Variants in P2RY8 observed in about 807,000 individuals in gnomAD.
P2RY8 encodes P2Y receptor family member 8.
A neutral mutation model predicts 10.0 loss-of-function variants in P2RY8; 6 were observed. The observed-to-expected ratio is 0.60, with a 90% confidence interval of 0.33 to 1.19. The LOEUF is 1.19. Ranked by LOEUF, P2RY8 falls within the 50% of genes most tolerant of loss-of-function variation. P2RY8 has a pLI of 0.04. For synonymous variants in P2RY8, 276 were observed against 252.5 expected, an observed-to-expected ratio of 1.09 and a Z score of -0.88; for missense variants, 456 against 542.0, an observed-to-expected ratio of 0.84 and a Z score of 1.58.
chrX:1,525,928 C>G (rs1285025141), intron 1 of P2RY8, among the ~76,000 whole-genome samples: 1 of 151,830 alleles, frequency 6.6e-6, no homozygotes, highest in Non-Finnish European at 1.5e-5. Context: ...ATCCATCCAT[C>G]CATTCAGTCA....
intron 1 of P2RY8, among the ~76,000 whole-genome samples, chrX:1,534,724 C>T (rs1222396265): frequency 2.6e-5 from 4 of 152,104 alleles, no homozygotes; most frequent in Non-Finnish European, 4.4e-5. Flanking sequence ...GCCATCTGCC[C>T]GGGGAAAGGG....
At chrX:1,535,495 T>C (rs1429099666) in intron 1 of P2RY8, among the ~76,000 whole-genome samples, 2 of 151,814 alleles carry the variant, frequency 1.3e-5, no homozygotes, top group African/African-American at 4.8e-5. Context: ...ACACAAAATA[T>C]GCTACTATCT....
intron 1 of P2RY8, among the ~76,000 whole-genome samples, chrX:1,493,517 G>A (rs1326896821): frequency 2.6e-5 from 4 of 152,002 alleles, no homozygotes; most frequent in African/African-American, 9.7e-5. Context: ...TTGTAAAAGT[G>A]GCTGCTGCTT....
chrX:1,526,517 C>A (rs2092441390), intron 1 of P2RY8, among the ~76,000 whole-genome samples: 1 of 152,082 alleles, frequency 6.6e-6, no homozygotes, highest in African/African-American at 2.4e-5. Flanking sequence ...GTCATCCATG[C>A]ATGGATGGAT....
intron 1 of P2RY8, among the ~76,000 whole-genome samples, chrX:1,473,057 G>A (rs1353208803): frequency 2.0e-5 from 3 of 147,240 alleles, no homozygotes; most frequent in African/African-American, 7.6e-5. Context: ...GGGTGGATGG[G>A]TGGATGGATG....
At chrX:1,523,547 G>A (rs1197260975) in intron 1 of P2RY8, among the ~76,000 whole-genome samples, 18 of 152,144 alleles carry the variant, frequency 1.2e-4, no homozygotes, top group African/African-American at 3.9e-4. Flanking sequence ...GGAGAAGTGG[G>A]AGCGATTGCA....
chrX:1,514,835 T>TTCCCCTTTCCTTTCCTTCCCTTCCC (rs2092332227), intron 1 of P2RY8, among the ~76,000 whole-genome samples: 1 of 16,314 alleles, frequency 6.1e-5, no homozygotes, highest in African/African-American at 1.8e-4. Flanking sequence ...TTCCCTTTCC[T>TTCCCCTTTCCTTTCCTTCCCTTCCC]TCCCTTTCCC....
At chrX:1,507,997 T>TC (rs2149401286) in intron 1 of P2RY8, among the ~76,000 whole-genome samples, 1 of 152,002 alleles carries the variant, frequency 6.6e-6, no homozygotes, top group East Asian at 1.9e-4. Flanking sequence ...CCCTGCCGCC[T>TC]CCCCCACCTC....
At chrX:1,493,149 G>A (rs1361064232) in intron 1 of P2RY8, among the ~76,000 whole-genome samples, 2 of 150,416 alleles carry the variant, frequency 1.3e-5, no homozygotes, top group Non-Finnish European at 3.0e-5. Flanking sequence ...TTAGCCGGGC[G>A]TTGGGGTGGG....
At chrX:1,483,181 G>T (rs1330810795) in intron 1 of P2RY8, among the ~76,000 whole-genome samples, 1 of 152,186 alleles carries the variant, frequency 6.6e-6, no homozygotes, top group African/African-American at 2.4e-5. Context: ...TACTTTAATT[G>T]TGATCTGGTG....
chrX:1,467,408 G>A (rs73182978), intron 1 of P2RY8, among the ~76,000 whole-genome samples: 60,733 of 151,902 alleles, frequency 0.4, 12,427 homozygotes, highest in Middle Eastern at 0.49. Flanking sequence ...CCGCCGGTCC[G>A]TGCCCAGGTG....
Position 1,516,058 on chromosome X carries a change from G to C in P2RY8, c.-25+20863C>G, listed in dbSNP as rs770915624. ...AAAAAATACTAAAAATTAGCCAGGC[G>C]CGGTGGCAGGCACCTGTAATCCCAC... On this transcript the variant is annotated intron_variant, in intron 1 of 1. Coordinates refer to ENST00000381297, the MANE Select transcript of P2RY8 (RefSeq NM_178129.5). Among the ~76,000 whole-genome samples, 38 of 151,008 alleles carry C rather than the reference G, an allele frequency of 2.5e-4. No individual in the cohort carries two copies. The South Asian group carries it at 7.8e-3, about 31-fold the overall frequency.
intron 1 of P2RY8, among the ~76,000 whole-genome samples, chrX:1,472,662 G>C (rs1311232531): frequency 2.3e-5 from 3 of 131,904 alleles, no homozygotes; most frequent in Non-Finnish European, 4.8e-5. Flanking sequence ...ATGGGAGGAT[G>C]TATGGATGAA....
At chrX:1,498,230 C>A (rs1283687329) in intron 1 of P2RY8, among the ~76,000 whole-genome samples, 1 of 151,736 alleles carries the variant, frequency 6.6e-6, no homozygotes, top group East Asian at 2.0e-4. Flanking sequence ...CATGCTGAAA[C>A]CCCGTCTCTA....
chrX:1,490,770 C>T (rs1384447752), intron 1 of P2RY8, among the ~76,000 whole-genome samples: 20 of 147,738 alleles, frequency 1.4e-4, no homozygotes, highest in African/African-American at 4.8e-4. Flanking sequence ...CCCAGATTCA[C>T]TTCTGCAAAC....
At chrX:1,467,071 C>T (rs1241328563) in intron 1 of P2RY8, among the ~76,000 whole-genome samples, 2 of 151,994 alleles carry the variant, frequency 1.3e-5, no homozygotes, top group African/African-American at 4.8e-5. Context: ...ACCACAAAGC[C>T]ACCGTCAGCC....
intron 1 of P2RY8, among the ~76,000 whole-genome samples, chrX:1,525,414 T>C (rs1341988967): frequency 6.6e-6 from 1 of 152,146 alleles, no homozygotes; most frequent in Non-Finnish European, 1.5e-5. Context: ...AGAGGGAAGA[T>C]TGCTGTGTGA....
chrX:1,536,864 CCT>C (rs1382232821), intron 1 of P2RY8, 55 bp downstream of exon 1: 1 of 209,908 alleles, frequency 4.8e-6, no homozygotes, highest in Non-Finnish European at 9.7e-6. Context: ...TCCCAGCGAC[CCT>C]GTCTTCTCCC....
chrX:1,531,518 C>T (rs1433410702), intron 1 of P2RY8, among the ~76,000 whole-genome samples: 6 of 152,122 alleles, frequency 3.9e-5, no homozygotes, highest in Non-Finnish European at 5.9e-5. Context: ...CTCATGAACT[C>T]CTGGGGAGCC....
Sources: gnomAD v4.1 joint callset for allele counts (sites outside exome capture counted in the v4.1 genomes callset) on GRCh38, gnomAD v4.1.1 for gene constraint, MANE v1.5 for transcripts, NCBI Gene and HGNC (gene_info 2026-07-23, HGNC 2026-07-21) for gene names.